Variants in SYT1 observed in about 807,000 individuals in gnomAD.
SYT1 encodes the protein synaptotagmin-1.
In SYT1, 8 loss-of-function variants were observed where a neutral mutation model predicts 44.8. That is an observed-to-expected ratio of 0.18 (90% CI 0.10 to 0.32). The LOEUF (loss-of-function observed/expected upper bound fraction) is 0.32. Among genes scored for constraint, SYT1 ranks in the 10% least tolerant of loss-of-function variants. SYT1 has a pLI of 1.00. For missense variants in SYT1, 286 were observed against 509.3 expected, an observed-to-expected ratio of 0.56 and a Z score of 4.22; for synonymous variants, 154 against 188.8, an observed-to-expected ratio of 0.82 and a Z score of 1.51.
chr12:78,931,965 C>T (rs985792123), intron 1 of SYT1, among the ~76,000 whole-genome samples: 3 of 139,562 alleles, frequency 2.1e-5, no homozygotes, highest in African/African-American at 5.5e-5. Context: ...AATCTTTAAA[C>T]TTTGACATGA....
chr12:79,100,723 G>T (rs893696217), intron 3 of SYT1, among the ~76,000 whole-genome samples: 1 of 152,054 alleles, frequency 6.6e-6, no homozygotes, highest in African/African-American at 2.4e-5. Context: ...TCATTTTACA[G>T]GCTGATTACA....
intron 3 of SYT1, among the ~76,000 whole-genome samples, chr12:79,126,540 T>C (rs1217897947): frequency 6.6e-6 from 1 of 152,218 alleles, no homozygotes; most frequent in Admixed American, 6.5e-5. Context: ...ATTATAGGCG[T>C]GAGCCACCAT....
chr12:79,009,601 G>A (rs371740856), intron 2 of SYT1, among the ~76,000 whole-genome samples: 28 of 152,184 alleles, frequency 1.8e-4, no homozygotes, highest in East Asian at 7.7e-4. Flanking sequence ...AATTATCCCC[G>A]TTTTACTGAT....
chr12:78,986,125 C>G (rs1869623894), intron 2 of SYT1, among the ~76,000 whole-genome samples: 2 of 151,968 alleles, frequency 1.3e-5, no homozygotes, highest in African/African-American at 4.8e-5. Context: ...GAAGTACATT[C>G]AAACGGAAAA....
intron 1 of SYT1, 130 bp downstream of exon 1, chr12:78,865,239 G>C (rs973638912): frequency 1.3e-5 from 2 of 152,270 alleles, no homozygotes; most frequent in Admixed American, 6.5e-5. Context: ...GGGATCCCCG[G>C]GTGGCCTATT....
chr12:79,002,364 C>T (rs1210690234), intron 2 of SYT1, among the ~76,000 whole-genome samples: 1 of 152,018 alleles, frequency 6.6e-6, no homozygotes, highest in South Asian at 2.1e-4. Flanking sequence ...CTTACTTGCT[C>T]TTAGCTGAAA....
chr12:79,061,228 C>G (rs1398638192), intron 3 of SYT1, among the ~76,000 whole-genome samples: 1 of 152,006 alleles, frequency 6.6e-6, no homozygotes, highest in African/African-American at 2.4e-5. Flanking sequence ...AGGAAATAAT[C>G]TATACAGTTT....
rs1026431115 is a variant in SYT1 at position 79,014,889 on chromosome 12, T to G, written c.-83-32408T>G. Among the ~76,000 whole-genome samples the G allele has an allele frequency of 3.1e-4, 47 of 152,026 alleles. 1 individual carries two copies. Among genetic ancestry groups the G allele is most frequent in the Middle Eastern group, 6.8e-3 (2 of 294 alleles). On this transcript the variant is annotated intron_variant, in intron 2 of 10. Transcript: ENST00000261205. ...TGGAATACTATGCAGCCATAAAAAA[T>G]GATGAGTTCATGTCCTTTGTAGGGA... is the stretch of plus-strand genomic sequence containing the variant.
chr12:79,092,443 A>C (rs1000382190), intron 3 of SYT1, among the ~76,000 whole-genome samples: 2 of 151,812 alleles, frequency 1.3e-5, no homozygotes, highest in African/African-American at 2.4e-5. Context: ...GAGAAAAAAA[A>C]ATTTCAATTC....
chr12:79,040,941 C>A (rs866527767), intron 2 of SYT1, among the ~76,000 whole-genome samples: 2 of 150,720 alleles, frequency 1.3e-5, no homozygotes, highest in African/African-American at 2.4e-5. Flanking sequence ...TGTAGATATG[C>A]GGCGTTATTT....
Position 79,449,039 on chromosome 12 carries a change from T to A in SYT1, c.1184T>A (p.Leu395Gln). The change falls in exon 11 of 11, where the codon CTG becomes CAG. Residue 395 changes from leucine to glutamine, a missense_variant. By Grantham distance (113) the Leu-to-Gln change is moderately radical. Around this residue, in one of 6 missense-constraint regions of SYT1, gnomAD observed 34 missense variants for 59.0 expected, o/e 0.58. Transcript: ENST00000261205. ...GAGCTGCGACACTGGTCAGACATGC[T>A]GGCCAACCCCAGGCGACCTATTGCC... ...GAELRHWSDMLANPRRPIAQW... is the reference protein window; with the variant it reads ...GAELRHWSDMQANPRRPIAQW... The A allele has an allele frequency of 6.2e-7, 1 of 1,614,222 alleles. No individual in the cohort carries two copies. The highest frequency in any genetic ancestry group is 8.5e-7 in the Non-Finnish European group (1 of 1,180,024).
intron 8 of SYT1, among the ~76,000 whole-genome samples, chr12:79,309,532 G>A (rs1880656017): frequency 6.6e-6 from 1 of 152,102 alleles, no homozygotes; most frequent in Non-Finnish European, 1.5e-5. Context: ...AAAGTTGTTT[G>A]AACATGGAAT....
intron 3 of SYT1, among the ~76,000 whole-genome samples, chr12:79,125,461 A>AG (rs1285095830): frequency 2.6e-5 from 4 of 151,234 alleles, no homozygotes; most frequent in African/African-American, 9.7e-5. Context: ...CAAAAAAAAA[A>AG]AAAAAATTAG....
intron 1 of SYT1, among the ~76,000 whole-genome samples, chr12:78,927,627 A>G (rs1877375802): frequency 6.6e-6 from 1 of 152,094 alleles, no homozygotes; most frequent in African/African-American, 2.4e-5. Flanking sequence ...AATTATCCTA[A>G]TGACTTTATT....
intron 1 of SYT1, among the ~76,000 whole-genome samples, chr12:78,941,007 C>T (rs940565437): frequency 6.6e-6 from 1 of 150,490 alleles, no homozygotes; most frequent in African/African-American, 2.4e-5. Context: ...AGATACATGT[C>T]CTTTAGAGCA....
chr12:79,322,392 A>G (rs1386163080), intron 8 of SYT1, among the ~76,000 whole-genome samples: 1 of 152,108 alleles, frequency 6.6e-6, no homozygotes, highest in Non-Finnish European at 1.5e-5. Flanking sequence ...ACATGCCTGC[A>G]TCTGTTTGGA....
chr12:78,870,872 A>C (rs1325566675), intron 1 of SYT1, among the ~76,000 whole-genome samples: 16 of 152,092 alleles, frequency 1.1e-4, no homozygotes, highest in Admixed American at 1.1e-3. Context: ...CATGAAGGCA[A>C]AAGGACATGA....
At chr12:78,987,218 AAGCATG>A (rs1389367518) in intron 2 of SYT1, among the ~76,000 whole-genome samples, 7 of 152,052 alleles carry the variant, frequency 4.6e-5, no homozygotes, top group Non-Finnish European at 7.4e-5. Flanking sequence ...CACCCTTTCT[AAGCATG>A]AGGAACATTT....
chr12:79,433,844 G>A (rs1328228623), intron 9 of SYT1, among the ~76,000 whole-genome samples: 1 of 152,140 alleles, frequency 6.6e-6, no homozygotes, highest in Non-Finnish European at 1.5e-5. Context: ...CAAACGTATT[G>A]TACTTGCCCC....
Sources: allele counts gnomAD v4.1 joint callset (sites outside exome capture counted in the v4.1 genomes callset), GRCh38; gene constraint gnomAD v4.1.1; regional missense constraint gnomAD v4.1.1; transcripts MANE v1.5; gene names NCBI Gene and HGNC (gene_info 2026-07-23, HGNC 2026-07-21).